Variants in NDST3 observed in about 807,000 individuals in gnomAD.
NDST3 encodes the protein N-deacetylase and N-sulfotransferase 3, also known as bifunctional heparan sulfate N-deacetylase/N-sulfotransferase 3.
In NDST3, 58 loss-of-function variants were observed where a neutral mutation model predicts 96.1. That is an observed-to-expected ratio of 0.60 (90% confidence interval 0.49 to 0.75). The LOEUF (loss-of-function observed/expected upper bound fraction) is 0.75, where lower values mean the gene tolerates loss of function less well. NDST3 is among the 30% of genes least tolerant of loss of function. The pLI is 0.00. For missense variants in NDST3, 788 were observed against 1,034.2 expected, an observed-to-expected ratio of 0.76 and a Z score of 3.27; for synonymous variants, 333 against 359.7, an observed-to-expected ratio of 0.93 and a Z score of 0.84.
At chr4:118,086,457 G>C (rs1398567793) in intron 2 of NDST3, among the ~76,000 whole-genome samples, 2 of 151,814 alleles carry the variant, frequency 1.3e-5, no homozygotes, top group Non-Finnish European at 2.9e-5. Context: ...TAGTCATTCA[G>C]ACACCACCCA....
chr4:118,193,073 C>A (rs1737419373), intron 6 of NDST3, among the ~76,000 whole-genome samples: 1 of 152,126 alleles, frequency 6.6e-6, no homozygotes, highest in Non-Finnish European at 1.5e-5. Flanking sequence ...TCATATCAGA[C>A]CCCATCCCTA....
chr4:118,055,829 T>A (rs941182532), intron 2 of NDST3, among the ~76,000 whole-genome samples: 1 of 151,936 alleles, frequency 6.6e-6, no homozygotes, highest in African/African-American at 2.4e-5. Flanking sequence ...TTGAAAACTT[T>A]GTTCTTTTCT....
At chr4:118,187,836 G>A (rs1737064328) in intron 6 of NDST3, among the ~76,000 whole-genome samples, 1 of 152,148 alleles carries the variant, frequency 6.6e-6, no homozygotes. Flanking sequence ...ACTGTGGAAT[G>A]ACCCTTCTCA....
intron 1 of NDST3, among the ~76,000 whole-genome samples, chr4:118,043,493 A>G (rs1724585243): frequency 6.6e-6 from 1 of 152,258 alleles, no homozygotes; most frequent in Non-Finnish European, 1.5e-5. Context: ...CACAAAGACC[A>G]TGTATACCCA....
intron 6 of NDST3, among the ~76,000 whole-genome samples, chr4:118,170,707 C>A (rs556167664): frequency 4.6e-5 from 7 of 151,764 alleles, no homozygotes; most frequent in African/African-American, 1.7e-4. Flanking sequence ...CCAGCCTGGG[C>A]GACAGAGTGA....
rs138575923 is a variant in NDST3 at position 118,251,800 on chromosome 4, A to G, written c.2400-1699A>G. Among the ~76,000 whole-genome samples the G allele has an allele frequency of 5.1e-3, 777 of 152,300 alleles. 6 individuals carry two copies. The highest frequency in any genetic ancestry group is 0.018 in the African/African-American group (742 of 41,572). ...TCCTTTACATTTTTATATGTACTTT[A>G]GAATAATTTTCTGTTTCTACTTAAA... On this transcript the variant is annotated intron_variant, in intron 12 of 13. Transcript: ENST00000296499.
At chr4:118,149,015 C>A (rs1367328371) in intron 6 of NDST3, among the ~76,000 whole-genome samples, 2 of 151,988 alleles carry the variant, frequency 1.3e-5, no homozygotes, top group African/African-American at 2.4e-5. Flanking sequence ...ATAGGGAATC[C>A]TTTCCCCATT....
chr4:118,093,392 G>A lies in NDST3; in HGVS notation c.982-11626G>A, dbSNP rs560850654. ...TAGTAAGCACTCAATAAATGTATATGGAATTAATTAGTTGATGTATTAATT... is the reference window on the plus strand; with the variant it reads ...TAGTAAGCACTCAATAAATGTATATAGAATTAATTAGTTGATGTATTAATT... On this transcript the variant is annotated intron_variant, in intron 2 of 13. Transcript: ENST00000296499. Among the ~76,000 whole-genome samples the A allele has an allele frequency of 1.0e-3, 156 of 151,850 alleles. 1 individual carries two copies. Among genetic ancestry groups the A allele is most frequent in the South Asian group, 1.0e-3 (5 of 4,822 alleles).
chr4:118,131,987 G>A (rs1732662653), intron 4 of NDST3, among the ~76,000 whole-genome samples: 1 of 152,064 alleles, frequency 6.6e-6, no homozygotes, highest in Non-Finnish European at 1.5e-5. Flanking sequence ...CTATAACTGG[G>A]ACTGCACTGG....
At chr4:118,117,193 A>G (rs1731200059) in intron 4 of NDST3, among the ~76,000 whole-genome samples, 1 of 152,214 alleles carries the variant, frequency 6.6e-6, no homozygotes, top group Admixed American at 6.5e-5. Flanking sequence ...GAGGATAGAT[A>G]TGAAAAAAGA....
chr4:118,127,970 G>A (rs1578689638), intron 4 of NDST3, among the ~76,000 whole-genome samples: 1 of 151,742 alleles, frequency 6.6e-6, no homozygotes, highest in Non-Finnish European at 1.5e-5. Flanking sequence ...ATTACATTTT[G>A]ACTTGTTTTT....
intron 6 of NDST3, among the ~76,000 whole-genome samples, chr4:118,167,069 A>C (rs545202256): frequency 1.1e-4 from 16 of 151,706 alleles, no homozygotes; most frequent in Non-Finnish European, 1.9e-4. Flanking sequence ...AAAAAAAGAC[A>C]TCCAAATTGT....
intron 2 of NDST3, among the ~76,000 whole-genome samples, chr4:118,077,945 G>T (rs1380923212): frequency 1.3e-5 from 2 of 152,292 alleles, no homozygotes; most frequent in Middle Eastern, 3.4e-3. Context: ...TTCTGTCCAG[G>T]TGATTTTCAG....
intron 4 of NDST3, among the ~76,000 whole-genome samples, chr4:118,128,829 A>C (rs1438648037): frequency 6.6e-6 from 1 of 151,830 alleles, no homozygotes; most frequent in Admixed American, 6.6e-5. Flanking sequence ...GTGTTTCTTT[A>C]CTGGGAGACG....
chr4:118,129,333 T>C (rs964683871), intron 4 of NDST3, among the ~76,000 whole-genome samples: 1 of 152,002 alleles, frequency 6.6e-6, no homozygotes, highest in African/African-American at 2.4e-5. Flanking sequence ...AGCTATAAAC[T>C]TTCCTCTTAG....
chr4:118,236,925 C>T (rs143638871), intron 9 of NDST3, 121 bp from the exon 10 acceptor site: 2 of 647,028 alleles, frequency 3.1e-6, no homozygotes, highest in Non-Finnish European at 4.8e-6. Context: ...AGGACAAATG[C>T]TGTAAAGAAA....
At chr4:118,081,231 A>T (rs1727984299) in intron 2 of NDST3, among the ~76,000 whole-genome samples, 2 of 152,196 alleles carry the variant, frequency 1.3e-5, no homozygotes, top group Admixed American at 6.5e-5. Context: ...GAGAACCCAT[A>T]TCTTTTATGG....
chr4:118,255,500 C>A, intron 13 of NDST3, 93 bp from the exon 14 acceptor site: 2 of 1,268,588 alleles, frequency 1.6e-6, no homozygotes, highest in Non-Finnish European at 2.2e-6. Context: ...TAATCCAGAT[C>A]TGGTATACTT....
upstream of NDST3, chr4:118,033,657 C>G (rs1334967911): frequency 6.6e-6 from 1 of 151,664 alleles, no homozygotes; most frequent in South Asian, 2.1e-4. Flanking sequence ...GTCCCAGGGC[C>G]GTGGTTCTCC....
Sources: allele counts gnomAD v4.1 joint callset (sites outside exome capture counted in the v4.1 genomes callset), GRCh38; gene constraint gnomAD v4.1.1; transcripts MANE v1.5; gene names NCBI Gene and HGNC (gene_info 2026-07-23, HGNC 2026-07-21).